The following HNRNPAB variants were observed in gnomAD, a reference collection of about 807,000 sequenced individuals.
HNRNPAB encodes ABBP-1.
HNRNPAB carries 17 observed loss-of-function variants against 44.1 expected under a neutral mutation model. That is an observed-to-expected ratio of 0.39 (90% confidence interval 0.26 to 0.58). The LOEUF (loss-of-function observed/expected upper bound fraction) is 0.58, where lower values mean the gene tolerates loss of function less well. Ranked by LOEUF, HNRNPAB falls within the 20% of genes least tolerant of loss-of-function variation. The pLI is 0.63. For synonymous variants in HNRNPAB, 183 were observed against 167.6 expected (o/e 1.09, Z -0.71); for missense variants, 393 against 432.7 (o/e 0.91, Z 0.81).
intron 6 of HNRNPAB, 79 bp from the exon 7 acceptor site, chr5:178,210,053 A>G: frequency 1.9e-6 from 3 of 1,572,018 alleles, no homozygotes; most frequent in South Asian, 1.2e-5. Context: ...CTGCCACCCC[A>G]AAGGGCAGGA....
chr5:178,205,961 C>G lies in HNRNPAB; in HGVS notation c.329C>G (p.Ser110Ter), dbSNP rs1757040480. ...AAAATGGATCCCAACACTGGACGGT[C>G]AAGAGGGTTTGGGTTTATCCTGTTC... Reference protein sequence around the residue: ...TIKMDPNTGRSRGFGFILFKD... With the variant: ...TIKMDPNTGR The change falls in exon 3 of 8, where the codon TCA (serine) becomes TGA (stop). Residue 110 changes from serine (S) to a stop codon, truncating the protein, a stop_gained. Coordinates refer to ENST00000358344, the MANE Select transcript of HNRNPAB (RefSeq NM_031266.3). LOFTEE classifies it high-confidence loss of function. 1 of 1,614,134 alleles carries G rather than the reference C, an allele frequency of 6.2e-7. No homozygotes were observed. The highest frequency in any genetic ancestry group is 8.5e-7 in the Non-Finnish European group (1 of 1,180,008).
intron 3 of HNRNPAB, 130 bp downstream of exon 3, chr5:178,206,140 C>A: frequency 9.8e-6 from 8 of 819,912 alleles, no homozygotes; most frequent in Non-Finnish European, 1.2e-5. Flanking sequence ...AACCCAAAGC[C>A]GGAGGTTATG....
intron 2 of HNRNPAB, 28 bp from the exon 3 acceptor site, chr5:178,205,814 T>TGCCGTGTGTCTCACCCTACC: frequency 6.2e-7 from 1 of 1,602,552 alleles, no homozygotes. Flanking sequence ...CAAGACTTGT[T>TGCCGTGTGTCTCACCCTACC]GCCGTGTGTC....
At chr5:178,209,283 C>T in intron 5 of HNRNPAB, 47 bp from the exon 6 acceptor site, 1 of 1,472,668 alleles carries the variant, frequency 6.8e-7, no homozygotes, top group South Asian at 1.1e-5. Context: ...GCAGTCACTG[C>T]CCTGAGTTTG....
rs1414370032 is a variant in HNRNPAB, at chr5:178,206,821, C to T, written c.468C>T (p.Ile156=). 9 of 1,614,054 alleles carry T rather than the reference C, an allele frequency of 5.6e-6. No homozygotes were observed. Among genetic ancestry groups the T allele is most frequent in the Non-Finnish European group, 6.8e-6 (8 of 1,180,030 alleles). ...TGAAGAAGGACCCGGTGAAGAAAAT[C>T]TTCGTTGGGGGTCTGAATCCTGAAG... ...MAMKKDPVKK[I]FVGGLNPEAT... Residue 156 remains isoleucine, a synonymous_variant, in exon 4 of 8, where the codon ATC becomes ATT. Coordinates refer to ENST00000358344, the MANE Select transcript of HNRNPAB (RefSeq NM_031266.3).
At chr5:178,206,315 A>G (rs886331624) in intron 3 of HNRNPAB, among the ~76,000 whole-genome samples, 8 of 152,212 alleles carry the variant, frequency 5.3e-5, no homozygotes, top group African/African-American at 1.9e-4. Flanking sequence ...GATTGGTATG[A>G]TAGGCTTTTA....
intron 6 of HNRNPAB, 21 bp downstream of exon 6, chr5:178,209,468 G>A: frequency 3.1e-6 from 5 of 1,598,434 alleles, no homozygotes; most frequent in Non-Finnish European, 4.3e-6. Flanking sequence ...CGTGGATGAA[G>A]ATAGGTCCTG....
chr5:178,206,606 C>G, intron 3 of HNRNPAB, 126 bp from the exon 4 acceptor site: 3 of 938,770 alleles, frequency 3.2e-6, no homozygotes, highest in Non-Finnish European at 4.9e-6. Context: ...GGAGGTTAAG[C>G]TGGGGTAGAA....
At chr5:178,205,161 C>T (rs1472497616) in intron 2 of HNRNPAB, 115 bp downstream of exon 2, 2 of 705,650 alleles carry the variant, frequency 2.8e-6, no homozygotes, top group Admixed American at 4.9e-5. Context: ...GCTGGTGCGG[C>T]CCGCGGACTG....
Position 178,207,112 on chromosome 5 carries a change from C to A in HNRNPAB, c.556C>A (p.Pro186Thr). 1 of 1,614,070 alleles carries A rather than the reference C, an allele frequency of 6.2e-7. No individual in the cohort carries two copies. The highest frequency in any genetic ancestry group is 1.1e-5 in the South Asian group (1 of 91,078). The change falls in exon 5 of 8, where the codon CCA becomes ACA. Residue 186 changes from proline to threonine, a missense_variant. This residue lies in a region of HNRNPAB where 210 missense variants were observed against 196.9 expected (regional missense o/e 1.07). Coordinates refer to ENST00000358344, the MANE Select transcript of HNRNPAB (RefSeq NM_031266.3). ...TTTGCAGATTGAGGCCATTGAATTG[C>A]CAATGGATCCAAAGTTGAACAAAAG... ...EFGEIEAIEL[P>T]MDPKLNKRRG...
chr5:178,209,418 G>C lies in HNRNPAB; in HGVS notation c.758G>C (p.Arg253Pro), dbSNP rs764048691. Reference sequence around the variant, plus strand: ...CGTGGAAACCGCAACCGAGGGAACCGAGGCAGCGGAGGTGGTGGTGGAGGT... The same window carrying C: ...CGTGGAAACCGCAACCGAGGGAACCCAGGCAGCGGAGGTGGTGGTGGAGGT... Reference protein sequence around the residue: ...GGRGNRNRGNRGSGGGGGGGG... With the variant: ...GGRGNRNRGNPGSGGGGGGGG... The change falls in exon 6 of 8, where the codon CGA becomes CCA. Residue 253 changes from arginine (R) to proline (P), a missense_variant. By Grantham distance (103) the Arg-to-Pro change is moderately radical (BLOSUM62 -2). This residue lies in a region of HNRNPAB where 210 missense variants were observed against 196.9 expected (regional missense o/e 1.07). Coordinates refer to ENST00000358344, the MANE Select transcript of HNRNPAB (RefSeq NM_031266.3). 1.1e-5 allele frequency: 18 copies of C among 1,614,150 alleles called. No individual in the cohort carries two copies. Among genetic ancestry groups the C allele is most frequent in the Non-Finnish European group, 1.5e-5 (18 of 1,180,002 alleles).
In HNRNPAB at chr5:178,206,734, C is replaced by T. The variant is rs1757079623; in HGVS notation, c.381C>T (p.Val127=). The T allele has an allele frequency of 1.2e-6, 2 of 1,613,374 alleles. No individual in the cohort carries two copies. Among genetic ancestry groups the T allele is most frequent in the South Asian group, 1.1e-5 (1 of 91,040 alleles). The change falls in exon 4 of 8, where the codon GTC becomes GTT. Residue 127 remains valine, a splice_region_variant and synonymous_variant. Coordinates refer to ENST00000358344, the MANE Select transcript of HNRNPAB (RefSeq NM_031266.3). The part of the protein sequence containing the change: ...LFKDAASVEK[V]LDQKEHRLDG... ...CTGACCCCTTTCTGTTGGAACAGGT[C>T]CTAGACCAGAAGGAGCACAGGCTGG...
At position 178,204,917 on chromosome 5, in the gene HNRNPAB, A is replaced by C. The variant is rs1756981256; in HGVS notation, c.80A>C (p.Glu27Ala). The C allele has an allele frequency of 1.7e-6, 2 of 1,210,224 alleles. No homozygotes were observed. Among genetic ancestry groups the C allele is most frequent in the Admixed American group, 8.7e-5 (2 of 22,904 alleles). 75.0% of individuals were successfully genotyped at this position (1,210,224 alleles called of 1,614,324 possible). ...ENGHEAVPEG[E>A]SPAGAGTGAA... is the part of the protein sequence containing the mutation. ...GGACATGAGGCCGTCCCCGAAGGCG[A>C]GTCGCCGGCCGGGGCTGGCACGGGC... is the stretch of plus-strand genomic sequence containing the variant. The change falls in exon 2 of 8, where the codon GAG becomes GCG. Residue 27 changes from glutamate (E) to alanine (A), a missense_variant. Around this residue, in one of 3 missense-constraint regions of HNRNPAB, gnomAD observed 81 missense variants for 73.4 expected, o/e 1.10. Transcript: ENST00000358344.
At chr5:178,210,334 T>TGTAG in intron 7 of HNRNPAB, 62 bp downstream of exon 7, 1 of 1,606,478 alleles carries the variant, frequency 6.2e-7, no homozygotes, top group Non-Finnish European at 8.5e-7. Context: ...GGCAGGACAG[T>TGTAG]GTAGGAGCCA....
intron 5 of HNRNPAB, chr5:178,209,059 G>A: frequency 2.5e-6 from 1 of 405,998 alleles, no homozygotes; most frequent in Non-Finnish European, 4.6e-6. Context: ...AGTTGGCCCA[G>A]TTGCCTGCCT....
In HNRNPAB at chr5:178,204,655, C is replaced by G; in HGVS notation, c.-109C>G. The G allele has an allele frequency of 3.3e-6, 1 of 305,280 alleles. No individual in the cohort carries two copies. The allele number at this position is 305,280 out of a possible 1,614,324, so 18.9% of individuals were successfully genotyped here. A position where few individuals can be genotyped will look rare whatever the true frequency, so the allele number is the denominator to read the frequency against. The stretch of plus-strand genomic sequence containing the variant: ...TGGGCTGACTGGGGCGAGGCCTCAG[C>G]AGCGCGAGCTTGAGTGCGGCCGAGC... On this transcript the variant is annotated 5_prime_UTR_variant, in exon 1 of 8. Coordinates refer to ENST00000358344, the MANE Select transcript of HNRNPAB (RefSeq NM_031266.3).
intron 3 of HNRNPAB, 43 bp downstream of exon 3, chr5:178,206,053 T>G: frequency 6.4e-7 from 1 of 1,562,160 alleles, no homozygotes. Flanking sequence ...TGGAAACGAT[T>G]TGAATTCTAA....
At chr5:178,205,117 C>T (rs1756987576) in intron 2 of HNRNPAB, 71 bp downstream of exon 2, 4 of 1,101,480 alleles carry the variant, frequency 3.6e-6, no homozygotes, top group Non-Finnish European at 4.5e-6. Context: ...CGCCACGCGG[C>T]GGGGGGAGGG....
At chr5:178,208,566 T>C (rs1757233135) in intron 5 of HNRNPAB, 1 of 152,258 alleles carries the variant, frequency 6.6e-6, no homozygotes, top group South Asian at 2.1e-4. Context: ...AATTTGCCAA[T>C]TAAAAGTATG....
Sources: gnomAD v4.1 joint callset for allele counts (sites outside exome capture counted in the v4.1 genomes callset) on GRCh38, gnomAD v4.1.1 for gene constraint, gnomAD v4.1.1 regional missense constraint, MANE v1.5 for transcripts, NCBI Gene and HGNC (gene_info 2026-07-23, HGNC 2026-07-21) for gene names.